ARHGAP10: variants seen among roughly 807,000 people sequenced by gnomAD.
ARHGAP10 encodes Rho GTPase activating protein 10, also known as rho GTPase-activating protein 10.
ARHGAP10 carries 87 observed loss-of-function variants against 108.6 expected under a neutral mutation model. The observed-to-expected ratio is 0.80, with a 90% confidence interval of 0.67 to 0.96. The LOEUF (loss-of-function observed/expected upper bound fraction) is 0.96. Ranked by LOEUF, ARHGAP10 falls within the 40% of genes least tolerant of loss-of-function variation. The pLI is 0.00. For synonymous variants in ARHGAP10, 347 were observed against 341.1 expected, an observed-to-expected ratio of 1.02 and a Z score of -0.19; for missense variants, 939 against 954.5, an observed-to-expected ratio of 0.98 and a Z score of 0.21.
chr4:147,970,031 C>A (rs1387693172), intron 18 of ARHGAP10, among the ~76,000 whole-genome samples: 1 of 152,172 alleles, frequency 6.6e-6, no homozygotes, highest in Non-Finnish European at 1.5e-5. Context: ...GATTAGTTAA[C>A]AGTTCTGAGA....
At chr4:148,063,046 T>C in intron 20 of ARHGAP10, 102 bp from the exon 21 acceptor site, 1 of 1,399,584 alleles carries the variant, frequency 7.1e-7, no homozygotes, top group Non-Finnish European at 1.0e-6. Context: ...TCAGGCATGA[T>C]AGGGGAATTA....
At chr4:148,015,139 G>C (rs190095338) in intron 18 of ARHGAP10, among the ~76,000 whole-genome samples, 2 of 152,070 alleles carry the variant, frequency 1.3e-5, no homozygotes, top group Non-Finnish European at 2.9e-5. Flanking sequence ...CTCCAAACAG[G>C]GCCCTTCATT....
At chr4:148,046,341 C>T (rs1049206619) in intron 19 of ARHGAP10, among the ~76,000 whole-genome samples, 2 of 152,188 alleles carry the variant, frequency 1.3e-5, no homozygotes, top group African/African-American at 2.4e-5. Flanking sequence ...CTTGTAGTAC[C>T]CTCCCTGATA....
intron 20 of ARHGAP10, among the ~76,000 whole-genome samples, chr4:148,056,051 T>C (rs1417543313): frequency 6.6e-6 from 1 of 152,196 alleles, no homozygotes; most frequent in East Asian, 1.9e-4. Context: ...TACACTTAGT[T>C]GTTTACGTTT....
At chr4:147,876,331 A>G (rs1560804536) in intron 8 of ARHGAP10, among the ~76,000 whole-genome samples, 1 of 152,168 alleles carries the variant, frequency 6.6e-6, no homozygotes, top group Non-Finnish European at 1.5e-5. Context: ...GGTGGCTCAC[A>G]CTTGTAATCC....
At chr4:148,057,908 C>T (rs564169643) in intron 20 of ARHGAP10, among the ~76,000 whole-genome samples, 5 of 152,318 alleles carry the variant, frequency 3.3e-5, no homozygotes, top group East Asian at 3.9e-4. Context: ...GGGTCTACTC[C>T]GAACCTTCCT....
chr4:147,888,340 T>A (rs1051369977), intron 10 of ARHGAP10, among the ~76,000 whole-genome samples: 7 of 152,170 alleles, frequency 4.6e-5, no homozygotes, highest in African/African-American at 1.4e-4. Context: ...CAGTATTGCT[T>A]CTGGGGTGTC....
chr4:147,807,373 C>A, intron 1 of ARHGAP10, among the ~76,000 whole-genome samples: 1 of 151,428 alleles, frequency 6.6e-6, no homozygotes, highest in Non-Finnish European at 1.5e-5. Flanking sequence ...AAAAGTATGA[C>A]ATGAAACTAT....
intron 20 of ARHGAP10, among the ~76,000 whole-genome samples, chr4:148,050,015 G>T (rs371636704): frequency 6.6e-6 from 1 of 151,946 alleles, no homozygotes; most frequent in East Asian, 1.9e-4. Context: ...TTACAGGCAC[G>T]TGCCACCGCA....
At chr4:147,990,087 G>A (rs895701397) in intron 18 of ARHGAP10, among the ~76,000 whole-genome samples, 16 of 152,186 alleles carry the variant, frequency 1.1e-4, no homozygotes, top group African/African-American at 3.9e-4. Context: ...GCCTGAATGA[G>A]GAGGAGGAAA....
chr4:147,823,429 T>G (rs947365066), intron 3 of ARHGAP10, among the ~76,000 whole-genome samples: 1 of 152,074 alleles, frequency 6.6e-6, no homozygotes, highest in Non-Finnish European at 1.5e-5. Context: ...AGATCCCACT[T>G]TGCATCAAGA....
chr4:148,071,751 C>T (rs1489272387), intron 22 of ARHGAP10, among the ~76,000 whole-genome samples: 1 of 152,060 alleles, frequency 6.6e-6, no homozygotes, highest in Non-Finnish European at 1.5e-5. Context: ...TGGAAGGGGC[C>T]GGACTCTGGA....
chr4:147,802,977 A>G (rs142600102), intron 1 of ARHGAP10, among the ~76,000 whole-genome samples: 11 of 150,394 alleles, frequency 7.3e-5, no homozygotes, highest in African/African-American at 2.2e-4. Context: ...CTATTTATCA[A>G]CCTCTCTCCA....
intron 4 of ARHGAP10, among the ~76,000 whole-genome samples, chr4:147,853,423 C>T (rs1733956552): frequency 1.3e-5 from 2 of 152,148 alleles, no homozygotes. Flanking sequence ...TGAAAATAAG[C>T]CTTTTCCATC....
intron 13 of ARHGAP10, among the ~76,000 whole-genome samples, chr4:147,933,836 C>T (rs1488433028): frequency 6.6e-6 from 1 of 152,038 alleles, no homozygotes; most frequent in Non-Finnish European, 1.5e-5. Flanking sequence ...GGGGCAGAGG[C>T]TGGAGAGCCA....
chr4:147,863,898 C>T lies in ARHGAP10; in HGVS notation c.487-948C>T, dbSNP rs568428610. 4 of 152,266 alleles carry T rather than the reference C, an allele frequency of 2.6e-5. No individual in the cohort carries two copies. The East Asian group carries it at 7.7e-4, about 29-fold the overall frequency. The allele number at this position is 152,266 out of a possible 1,614,324, so 9.4% of individuals were successfully genotyped here. On this transcript the variant is annotated intron_variant, in intron 5 of 22. Transcript: ENST00000336498. ...GGTTTCAGTTTCTTGACATCCTCAC[C>T]AACACCACTACTTTTCTTTTTTGTA...
intron 13 of ARHGAP10, among the ~76,000 whole-genome samples, chr4:147,923,438 A>G (rs1328546148): frequency 6.6e-6 from 1 of 152,256 alleles, no homozygotes; most frequent in African/African-American, 2.4e-5. Context: ...CTATTTTTAA[A>G]ATAGTCATTA....
chr4:148,007,060 G>A (rs1326880376), intron 18 of ARHGAP10, among the ~76,000 whole-genome samples: 2 of 152,134 alleles, frequency 1.3e-5, no homozygotes, highest in African/African-American at 4.8e-5. Flanking sequence ...GTGGGAGTTA[G>A]CGCACTTCAA....
At chr4:147,796,737 G>A (rs1731333484) in intron 1 of ARHGAP10, among the ~76,000 whole-genome samples, 1 of 152,068 alleles carries the variant, frequency 6.6e-6, no homozygotes, top group African/African-American at 2.4e-5. Flanking sequence ...GTGTTAACCA[G>A]GATGGTCTCA....
Sources: gnomAD v4.1 joint callset for allele counts (sites outside exome capture counted in the v4.1 genomes callset) on GRCh38, gnomAD v4.1.1 for gene constraint, MANE v1.5 for transcripts, NCBI Gene and HGNC (gene_info 2026-07-23, HGNC 2026-07-21) for gene names.